NLGN1: variants seen among roughly 807,000 people sequenced by gnomAD.
NLGN1 encodes neuroligin-1.
Under a neutral mutation model 65.5 loss-of-function variants are expected in NLGN1, and 12 were observed. The ratio of observed to expected loss-of-function variants is 0.18; its 90% CI spans 0.12 to 0.30. The LOEUF (loss-of-function observed/expected upper bound fraction) is 0.30. Ranked by LOEUF, NLGN1 falls within the 10% of genes least tolerant of loss-of-function variation. NLGN1 has a pLI of 1.00. For synonymous variants in NLGN1, 350 were observed against 359.5 expected (o/e 0.97, Z 0.30); for missense variants, 750 against 1,007.1 (o/e 0.74, Z 3.46).
At chr3:173,942,156 GTATGTGTATATATAA>G (rs1434716303) in intron 4 of NLGN1, among the ~76,000 whole-genome samples, 3 of 149,138 alleles carry the variant, frequency 2.0e-5, no homozygotes, top group Admixed American at 1.3e-4. Context: ...GTGTGTGTGT[GTATGTGTATATATAA>G]TATGTGTATA....
At chr3:173,595,355 C>A (rs576167878) in intron 2 of NLGN1, among the ~76,000 whole-genome samples, 1 of 152,150 alleles carries the variant, frequency 6.6e-6, no homozygotes. Flanking sequence ...CAAAATGCCA[C>A]CAGAGTCTTT....
At chr3:174,167,493 A>C (rs1309203736) in intron 4 of NLGN1, among the ~76,000 whole-genome samples, 1 of 151,740 alleles carries the variant, frequency 6.6e-6, no homozygotes, top group Non-Finnish European at 1.5e-5. Flanking sequence ...TTTCTTTTAG[A>C]ATGCTTAAAG....
At chr3:174,090,638 G>A (rs1744333654) in intron 4 of NLGN1, among the ~76,000 whole-genome samples, 1 of 152,024 alleles carries the variant, frequency 6.6e-6, no homozygotes, top group African/African-American at 2.4e-5. Context: ...AACCAAACCA[G>A]TAAAACTCAG....
At chr3:174,126,561 C>T (rs1336324770) in intron 4 of NLGN1, among the ~76,000 whole-genome samples, 1 of 152,020 alleles carries the variant, frequency 6.6e-6, no homozygotes, top group Non-Finnish European at 1.5e-5. Flanking sequence ...ATAAATTCTT[C>T]CTCAGTTAAT....
intron 3 of NLGN1, among the ~76,000 whole-genome samples, chr3:173,766,052 A>G (rs1307652912): frequency 6.6e-6 from 1 of 151,704 alleles, no homozygotes; most frequent in Non-Finnish European, 1.5e-5. Flanking sequence ...GCACAGATGC[A>G]CGAAAACACC....
chr3:174,170,655 AC>A (rs770978684), intron 4 of NLGN1, among the ~76,000 whole-genome samples: 17 of 152,242 alleles, frequency 1.1e-4, no homozygotes, highest in Non-Finnish European at 1.9e-4. Flanking sequence ...CTCTTGGTTC[AC>A]AAGATGGAAT....
chr3:174,005,330 A>G (rs1441159007), intron 4 of NLGN1, among the ~76,000 whole-genome samples: 1 of 152,178 alleles, frequency 6.6e-6, no homozygotes, highest in African/African-American at 2.4e-5. Context: ...AGTGTTACTA[A>G]TTGGAAAATC....
chr3:173,825,861 G>T (rs1162937506), intron 4 of NLGN1, among the ~76,000 whole-genome samples: 1 of 151,802 alleles, frequency 6.6e-6, no homozygotes, highest in Non-Finnish European at 1.5e-5. Flanking sequence ...TGTGATTTTG[G>T]TTTTTTTAAA....
At chr3:173,649,771 A>G (rs1278869281) in intron 3 of NLGN1, among the ~76,000 whole-genome samples, 1 of 152,096 alleles carries the variant, frequency 6.6e-6, no homozygotes, top group Non-Finnish European at 1.5e-5. Flanking sequence ...GTAAAAATTA[A>G]AGGTTTCTTG....
At chr3:173,969,074 A>T (rs575197655) in intron 4 of NLGN1, among the ~76,000 whole-genome samples, 10 of 151,978 alleles carry the variant, frequency 6.6e-5, no homozygotes, top group Non-Finnish European at 5.9e-5. Context: ...TAAAAAAAAA[A>T]ATTTGTTACT....
intron 4 of NLGN1, among the ~76,000 whole-genome samples, chr3:173,944,487 AC>A (rs762047205): frequency 3.9e-5 from 6 of 152,102 alleles, no homozygotes; most frequent in Non-Finnish European, 5.9e-5. Context: ...GGAAAAGTTG[AC>A]TGGATGAAAT....
At chr3:173,909,097 T>A (rs537693261) in intron 4 of NLGN1, among the ~76,000 whole-genome samples, 1 of 152,260 alleles carries the variant, frequency 6.6e-6, no homozygotes, top group East Asian at 1.9e-4. Context: ...CTCCCAAGAT[T>A]AACATTATTC....
At chr3:173,934,811 A>C (rs1029552064) in intron 4 of NLGN1, among the ~76,000 whole-genome samples, 1 of 152,066 alleles carries the variant, frequency 6.6e-6, no homozygotes, top group Non-Finnish European at 1.5e-5. Context: ...TGTCACTCAC[A>C]TGTCACTATT....
At chr3:173,912,027 A>G (rs1420388496) in intron 4 of NLGN1, among the ~76,000 whole-genome samples, 1 of 152,230 alleles carries the variant, frequency 6.6e-6, no homozygotes, top group Non-Finnish European at 1.5e-5. Context: ...AGTATATTTC[A>G]TAAGATCACA....
intron 4 of NLGN1, among the ~76,000 whole-genome samples, chr3:173,812,823 TGTG>T (rs958925765): frequency 2.7e-5 from 4 of 148,006 alleles, no homozygotes; most frequent in African/African-American, 9.8e-5. Flanking sequence ...AAAACTTTGG[TGTG>T]GTCAGTCATC....
chr3:174,038,090 G>T (rs1247355613), intron 4 of NLGN1, among the ~76,000 whole-genome samples: 1 of 151,374 alleles, frequency 6.6e-6, no homozygotes, highest in African/African-American at 2.4e-5. Flanking sequence ...GCCTGCTGAA[G>T]AATATGAGCT....
chr3:173,452,602 C>A, intron 2 of NLGN1, among the ~76,000 whole-genome samples: 1 of 152,182 alleles, frequency 6.6e-6, no homozygotes, highest in East Asian at 1.9e-4. Flanking sequence ...CTGATATGAA[C>A]AGGCCTGTTT....
chr3:174,055,942 C>T (rs531114032), intron 4 of NLGN1, among the ~76,000 whole-genome samples: 2 of 151,676 alleles, frequency 1.3e-5, no homozygotes, highest in South Asian at 4.2e-4. Context: ...TAGGTTATAG[C>T]CCATTGTCTC....
At chr3:174,099,188 C>T (rs1164332960) in intron 4 of NLGN1, among the ~76,000 whole-genome samples, 2 of 152,162 alleles carry the variant, frequency 1.3e-5, no homozygotes, top group Non-Finnish European at 2.9e-5. Flanking sequence ...TGCCATAGAA[C>T]CCGTTTGCAT....
Sources: gnomAD v4.1 joint callset for allele counts (sites outside exome capture counted in the v4.1 genomes callset) on GRCh38, gnomAD v4.1.1 for gene constraint, MANE v1.5 for transcripts, NCBI Gene and HGNC (gene_info 2026-07-23, HGNC 2026-07-21) for gene names.